The following DSCAM variants were observed in gnomAD, a reference collection of about 807,000 sequenced individuals.
DSCAM encodes DS cell adhesion molecule, also known as cell adhesion molecule DSCAM.
Under a neutral mutation model 217.7 loss-of-function variants are expected in DSCAM, and 47 were observed. The ratio of observed to expected loss-of-function variants is 0.22; its 90% confidence interval spans 0.17 to 0.28. The LOEUF is 0.28. DSCAM is among the 10% of genes least tolerant of loss of function. DSCAM has a pLI of 1.00. For synonymous variants in DSCAM, 1,056 were observed against 1,015.3 expected, an observed-to-expected ratio of 1.04 and a Z score of -0.76; for missense variants, 2,080 against 2,618.3, an observed-to-expected ratio of 0.79 and a Z score of 4.49.
chr21:40,460,692 C>T (rs1291299106), intron 3 of DSCAM, among the ~76,000 whole-genome samples: 1 of 152,030 alleles, frequency 6.6e-6, no homozygotes, highest in Non-Finnish European at 1.5e-5. Context: ...AATATGATTG[C>T]TAAGAAATGT....
chr21:40,142,518 C>A (rs1400473062), intron 18 of DSCAM, 40 bp downstream of exon 18: 1 of 1,610,004 alleles, frequency 6.2e-7, no homozygotes, highest in South Asian at 1.1e-5. Context: ...ATCATGCATT[C>A]TCTGGAGGCA....
At chr21:40,610,779 T>C (rs904287575) in intron 3 of DSCAM, among the ~76,000 whole-genome samples, 4 of 152,234 alleles carry the variant, frequency 2.6e-5, no homozygotes, top group Non-Finnish European at 4.4e-5. Context: ...ATGAGACCTA[T>C]GCAAGGTCCA....
intron 11 of DSCAM, among the ~76,000 whole-genome samples, chr21:40,208,224 G>A (rs1461265835): frequency 6.6e-6 from 1 of 152,104 alleles, no homozygotes; most frequent in Non-Finnish European, 1.5e-5. Context: ...AGGCTGAGGT[G>A]GGTGGATCAC....
chr21:40,626,332 C>G (rs2089600243), intron 3 of DSCAM, among the ~76,000 whole-genome samples: 8 of 152,134 alleles, frequency 5.3e-5, no homozygotes, highest in Admixed American at 5.2e-4. Flanking sequence ...CATTTGAGGT[C>G]ACCATCATCC....
chr21:40,492,151 C>CTAT (rs2076081081), intron 3 of DSCAM, among the ~76,000 whole-genome samples: 1 of 151,830 alleles, frequency 6.6e-6, no homozygotes, highest in African/African-American at 2.4e-5. Flanking sequence ...AAAAAAAATC[C>CTAT]TATTCTAGTG....
intron 15 of DSCAM, among the ~76,000 whole-genome samples, chr21:40,172,298 C>T (rs2090667625): frequency 6.6e-6 from 1 of 152,220 alleles, no homozygotes; most frequent in Admixed American, 6.5e-5. Flanking sequence ...ACAAAATAAA[C>T]TCTGCATTTC....
intron 3 of DSCAM, among the ~76,000 whole-genome samples, chr21:40,475,301 G>A (rs1865446691): frequency 1.3e-5 from 2 of 152,288 alleles, no homozygotes; most frequent in Non-Finnish European, 1.5e-5. Context: ...ACACGAGGAT[G>A]GCCCATCTTC....
intron 1 of DSCAM, among the ~76,000 whole-genome samples, chr21:40,787,558 T>C (rs2091605121): frequency 1.3e-5 from 2 of 152,216 alleles, no homozygotes; most frequent in Non-Finnish European, 2.9e-5. Flanking sequence ...ATCTTAGCAG[T>C]CATGGTTTAT....
At chr21:40,835,530 A>G (rs1400455978) in intron 1 of DSCAM, among the ~76,000 whole-genome samples, 1 of 152,196 alleles carries the variant, frequency 6.6e-6, no homozygotes, top group Non-Finnish European at 1.5e-5. Context: ...TCAGCCTACA[A>G]TGGCTTTTAT....
At chr21:40,369,077 C>G in intron 4 of DSCAM, 22 bp downstream of exon 4, 2 of 1,588,812 alleles carry the variant, frequency 1.3e-6, no homozygotes, top group Non-Finnish European at 1.7e-6. Context: ...ACATAGCAGA[C>G]AGAGTCTTGA....
At chr21:40,594,668 G>T (rs563319120) in intron 3 of DSCAM, among the ~76,000 whole-genome samples, 2 of 152,148 alleles carry the variant, frequency 1.3e-5, no homozygotes, top group Non-Finnish European at 2.9e-5. Flanking sequence ...ACAGAGGGTC[G>T]CATGCCATAA....
intron 3 of DSCAM, among the ~76,000 whole-genome samples, chr21:40,535,079 G>C (rs1317525422): frequency 6.6e-6 from 1 of 151,986 alleles, no homozygotes; most frequent in Admixed American, 6.5e-5. Context: ...ATGCTGGCTG[G>C]CCACCTGCTC....
At chr21:40,408,083 G>T (rs191034393) in intron 3 of DSCAM, among the ~76,000 whole-genome samples, 25 of 151,948 alleles carry the variant, frequency 1.6e-4, no homozygotes, top group Non-Finnish European at 3.1e-4. Context: ...ACCCATCTTT[G>T]CCTGAAAATA....
chr21:40,692,832 T>C lies in DSCAM; in HGVS notation c.486A>G (p.Lys162=). 2 of 1,613,404 alleles carry C rather than the reference T, an allele frequency of 1.2e-6. No homozygotes were observed. Among genetic ancestry groups the C allele is most frequent in the Non-Finnish European group, 8.5e-7 (1 of 1,179,382 alleles). ...TACCTGAGACAAGTGAAACAGTGTC[T>C]TTCTCCCATGAGACGACAGTGATGT... ...EAYITVVSWE[K]DTVSLVSGSR... The change falls in exon 3 of 33, where the codon AAA becomes AAG. Residue 162 remains lysine, a synonymous_variant. Transcript: ENST00000400454.
chr21:40,507,545 C>A (rs1039110199), intron 3 of DSCAM, among the ~76,000 whole-genome samples: 41 of 152,202 alleles, frequency 2.7e-4, no homozygotes, highest in Middle Eastern at 3.4e-3. Context: ...AATCTCTGCA[C>A]TTTAGGAGGC....
At chr21:40,267,395 G>A (rs902379164) in intron 11 of DSCAM, among the ~76,000 whole-genome samples, 2 of 151,804 alleles carry the variant, frequency 1.3e-5, no homozygotes, top group African/African-American at 2.4e-5. Flanking sequence ...CTCTGCTTTC[G>A]TACACTGGCA....
At chr21:40,229,191 C>A (rs1469826750) in intron 11 of DSCAM, among the ~76,000 whole-genome samples, 1 of 152,176 alleles carries the variant, frequency 6.6e-6, no homozygotes, top group African/African-American at 2.4e-5. Context: ...AGGTATAGTT[C>A]TTTTTGCCTT....
At chr21:40,733,445 G>A (rs980631041) in intron 1 of DSCAM, among the ~76,000 whole-genome samples, 3 of 152,210 alleles carry the variant, frequency 2.0e-5, no homozygotes, top group African/African-American at 4.8e-5. Context: ...ACTGTTGATT[G>A]TCATGAGGGA....
chr21:40,551,601 G>A (rs190815108), intron 3 of DSCAM, among the ~76,000 whole-genome samples: 2 of 152,236 alleles, frequency 1.3e-5, no homozygotes, highest in Admixed American at 1.3e-4. Context: ...TTCCTTACAG[G>A]TGCAAAATTT....
Sources: gnomAD v4.1 joint callset for allele counts (sites outside exome capture counted in the v4.1 genomes callset) on GRCh38, gnomAD v4.1.1 for gene constraint, MANE v1.5 for transcripts, NCBI Gene and HGNC (gene_info 2026-07-23, HGNC 2026-07-21) for gene names.